Variants in SPON1 observed in about 807,000 individuals in gnomAD.
SPON1 encodes spondin-1.
Under a neutral mutation model 111.7 loss-of-function variants are expected in SPON1, and 52 were observed. That is an observed-to-expected ratio of 0.47 (90% CI 0.37 to 0.59). SPON1 has a LOEUF of 0.59. SPON1 is among the 20% of genes least tolerant of loss of function. The probability of loss-of-function intolerance (pLI) is 0.00; values close to 1 mark genes in which losing one functional copy is unlikely to be tolerated. For missense variants in SPON1, 957 were observed against 1,068.5 expected, an observed-to-expected ratio of 0.90 and a Z score of 1.46; for synonymous variants, 410 against 395.8, an observed-to-expected ratio of 1.04 and a Z score of -0.43.
chr11:14,032,555 T>C (rs76468477), intron 2 of SPON1, among the ~76,000 whole-genome samples: 1,684 of 152,272 alleles, frequency 0.011, 31 homozygotes, highest in African/African-American at 0.039. Flanking sequence ...TCGTCAATAC[T>C]ATCTCATCTA....
intron 6 of SPON1, among the ~76,000 whole-genome samples, chr11:14,143,585 A>C (rs1554929021): frequency 2.0e-5 from 3 of 151,862 alleles, no homozygotes; most frequent in Non-Finnish European, 4.4e-5. Context: ...GGGCAGGGGA[A>C]ACTGAAGGTA....
At chr11:14,181,458 C>G (rs978713961) in intron 6 of SPON1, among the ~76,000 whole-genome samples, 3 of 152,188 alleles carry the variant, frequency 2.0e-5, no homozygotes, top group African/African-American at 7.2e-5. Context: ...ATGACTTTCT[C>G]TCCTACAAAA....
chr11:13,978,474 A>G (rs1175083052), intron 1 of SPON1, among the ~76,000 whole-genome samples: 1 of 152,206 alleles, frequency 6.6e-6, no homozygotes, highest in Non-Finnish European at 1.5e-5. Context: ...CAAATGTGTA[A>G]AGAAACACAT....
intron 5 of SPON1, among the ~76,000 whole-genome samples, chr11:14,114,426 A>G (rs1380828270): frequency 2.7e-5 from 4 of 145,972 alleles, no homozygotes; most frequent in Non-Finnish European, 5.9e-5. Flanking sequence ...CACCCTGTGT[A>G]ATACAGATTG....
At chr11:14,184,480 G>T (rs1848265274) in intron 6 of SPON1, among the ~76,000 whole-genome samples, 1 of 152,182 alleles carries the variant, frequency 6.6e-6, no homozygotes, top group African/African-American at 2.4e-5. Flanking sequence ...AAATGGTTGA[G>T]GGGGAATAAG....
intron 1 of SPON1, among the ~76,000 whole-genome samples, chr11:13,980,515 T>A (rs1848135978): frequency 6.6e-6 from 1 of 152,148 alleles, no homozygotes; most frequent in Non-Finnish European, 1.5e-5. Context: ...GACAGTGGTT[T>A]TATTTGTTGG....
chr11:14,211,946 A>C (rs1249834799), intron 6 of SPON1, among the ~76,000 whole-genome samples: 1 of 152,138 alleles, frequency 6.6e-6, no homozygotes, highest in Non-Finnish European at 1.5e-5. Context: ...ATTTTTGAAA[A>C]AAAAAGCTTT....
intron 6 of SPON1, among the ~76,000 whole-genome samples, chr11:14,142,824 G>A (rs1847671811): frequency 6.6e-6 from 1 of 152,176 alleles, no homozygotes; most frequent in Admixed American, 6.5e-5. Context: ...AAGAAAGTAG[G>A]ACACATGAGA....
intron 2 of SPON1, among the ~76,000 whole-genome samples, chr11:13,986,949 T>C (rs1454583026): frequency 2.0e-5 from 3 of 152,220 alleles, no homozygotes; most frequent in African/African-American, 7.2e-5. Flanking sequence ...ACATTTTCTT[T>C]ATCCAGTCTA....
intron 3 of SPON1, among the ~76,000 whole-genome samples, chr11:14,061,282 G>A (rs1171607846): frequency 1.3e-5 from 2 of 152,194 alleles, no homozygotes; most frequent in African/African-American, 4.8e-5. Flanking sequence ...TAATAAGCTG[G>A]TAAGAATTAG....
chr11:14,247,112 A>G (rs1848999822), intron 7 of SPON1, among the ~76,000 whole-genome samples: 1 of 152,210 alleles, frequency 6.6e-6, no homozygotes, highest in African/African-American at 2.4e-5. Flanking sequence ...TTTTGCATTA[A>G]AAGTCATGAG....
At chr11:14,020,718 T>C (rs1272861803) in intron 2 of SPON1, among the ~76,000 whole-genome samples, 1 of 152,176 alleles carries the variant, frequency 6.6e-6, no homozygotes, top group African/African-American at 2.4e-5. Flanking sequence ...TAAATGGTAG[T>C]ACATCTTGGC....
Position 13,962,868 on chromosome 11 carries a change from G to A in SPON1, c.-37G>A. The A allele has an allele frequency of 7.1e-7, 1 of 1,418,366 alleles. No individual in the cohort carries two copies. The highest frequency in any genetic ancestry group is 9.2e-7 in the Non-Finnish European group (1 of 1,091,982). 87.9% of individuals were successfully genotyped at this position (1,418,366 alleles called of 1,614,324 possible). On this transcript the variant is annotated 5_prime_UTR_variant, in exon 1 of 16. Transcript: ENST00000576479. ...CTTCGGGCAGGAGTCGCGTGGCGAA[G>A]GCCTGCGGCCGCGGCACAAAGTTGG...
chr11:14,162,241 A>T (rs1447346374), intron 6 of SPON1, among the ~76,000 whole-genome samples: 1 of 152,114 alleles, frequency 6.6e-6, no homozygotes, highest in Non-Finnish European at 1.5e-5. Context: ...TATATTACAC[A>T]TATATGTAGA....
At chr11:14,100,588 T>G (rs11023091) in intron 5 of SPON1, among the ~76,000 whole-genome samples, 57,100 of 151,932 alleles carry the variant, frequency 0.38, 11,224 homozygotes, top group East Asian at 0.56. Flanking sequence ...GTCTCTACTA[T>G]CCCTGTACCC....
intron 5 of SPON1, among the ~76,000 whole-genome samples, chr11:14,112,929 G>A (rs925766916): frequency 3.9e-5 from 6 of 152,062 alleles, no homozygotes; most frequent in African/African-American, 7.3e-5. Context: ...CCCTGATCTC[G>A]CCTAACACCA....
chr11:13,999,898 C>T (rs1222703524), intron 2 of SPON1, among the ~76,000 whole-genome samples: 1 of 152,144 alleles, frequency 6.6e-6, no homozygotes, highest in Non-Finnish European at 1.5e-5. Context: ...TTCAGGAGGA[C>T]TGGGTGTTGG....
At chr11:13,966,358 C>T (rs1325565659) in intron 1 of SPON1, among the ~76,000 whole-genome samples, 4 of 152,110 alleles carry the variant, frequency 2.6e-5, no homozygotes, top group East Asian at 3.9e-4. Context: ...GAGGACAATT[C>T]GCAGGACCAG....
chr11:14,158,509 A>G (rs1166980760), intron 6 of SPON1, among the ~76,000 whole-genome samples: 4 of 152,024 alleles, frequency 2.6e-5, no homozygotes, highest in East Asian at 1.9e-4. Context: ...AGCTCAAGTC[A>G]TTTTCTCTCC....
Sources: allele counts gnomAD v4.1 joint callset (sites outside exome capture counted in the v4.1 genomes callset), GRCh38; gene constraint gnomAD v4.1.1; transcripts MANE v1.5; gene names NCBI Gene and HGNC (gene_info 2026-07-23, HGNC 2026-07-21).